DLG2: variants seen among roughly 807,000 people sequenced by gnomAD.
DLG2 encodes discs large MAGUK scaffold protein 2.
A neutral mutation model predicts 132.5 loss-of-function variants in DLG2; 45 were observed. The ratio of observed to expected loss-of-function variants is 0.34; its 90% confidence interval spans 0.27 to 0.44. DLG2 has a LOEUF of 0.44. Among genes scored for constraint, DLG2 ranks in the 20% least tolerant of loss-of-function variants. The probability of loss-of-function intolerance (pLI) is 1.00; values close to 1 mark genes in which losing one functional copy is unlikely to be tolerated. For synonymous variants in DLG2, 424 were observed against 419.6 expected (o/e 1.01, Z -0.13); for missense variants, 1,045 against 1,196.9 (o/e 0.87, Z 1.87).
chr11:84,238,280 C>A (rs4944474), intron 8 of DLG2, among the ~76,000 whole-genome samples: 1 of 151,812 alleles, frequency 6.6e-6, no homozygotes, highest in South Asian at 2.1e-4. Context: ...TTTGAGAGGC[C>A]GAGGTGTGCG....
chr11:83,535,981 C>T (rs933091362), intron 20 of DLG2, among the ~76,000 whole-genome samples: 2 of 152,092 alleles, frequency 1.3e-5, no homozygotes, highest in Admixed American at 1.3e-4. Flanking sequence ...AGTGTCTGTC[C>T]ACAGCCACTC....
intron 6 of DLG2, among the ~76,000 whole-genome samples, chr11:84,692,153 G>T (rs1595861576): frequency 6.6e-6 from 1 of 151,832 alleles, no homozygotes; most frequent in East Asian, 1.9e-4. Context: ...ATGAATTAAT[G>T]AATGTGAGCC....
chr11:85,067,164 T>C (rs200600389), intron 6 of DLG2, among the ~76,000 whole-genome samples: 2 of 151,924 alleles, frequency 1.3e-5, no homozygotes, highest in Non-Finnish European at 2.9e-5. Context: ...GATGGTAGTT[T>C]GTATTTCTGT....
chr11:83,908,951 C>A lies in DLG2; in HGVS notation c.1496+21377G>T, dbSNP rs1424413569. ...GGTCTTGCTATGTGCCCAGGCTATT[C>A]TTGAACTCCTAGCTCAAGCAATTTT... On this transcript the variant is annotated intron_variant, in intron 15 of 27. Coordinates refer to ENST00000376104, the MANE Select transcript of DLG2 (RefSeq NM_001142699.3). Among the ~76,000 whole-genome samples the A allele has an allele frequency of 3.3e-5, 5 of 152,112 alleles. No individual in the cohort carries two copies. In the South Asian group the frequency reaches 8.3e-4, roughly 25 times the overall value.
intron 9 of DLG2, among the ~76,000 whole-genome samples, chr11:84,100,670 T>C (rs528160660): frequency 9.2e-5 from 14 of 152,202 alleles, no homozygotes; most frequent in African/African-American, 3.4e-4. Flanking sequence ...ACTAAATTTA[T>C]GATCATTTGA....
chr11:84,564,626 C>A (rs1292550043), intron 6 of DLG2, among the ~76,000 whole-genome samples: 8 of 152,070 alleles, frequency 5.3e-5, no homozygotes, highest in African/African-American at 1.9e-4. Context: ...TATGGTTTTT[C>A]TTTAACAAAA....
At chr11:85,320,091 T>G (rs887212688) in intron 3 of DLG2, among the ~76,000 whole-genome samples, 1 of 151,902 alleles carries the variant, frequency 6.6e-6, no homozygotes, top group Non-Finnish European at 1.5e-5. Flanking sequence ...AGCCATGTGC[T>G]AGCAGCACAT....
chr11:83,995,663 C>G (rs758751715), intron 11 of DLG2, among the ~76,000 whole-genome samples: 2 of 152,022 alleles, frequency 1.3e-5, no homozygotes, highest in Non-Finnish European at 2.9e-5. Context: ...AGCCCAGAAA[C>G]AAATCTATAC....
chr11:84,031,977 T>C lies in DLG2; in HGVS notation c.919+27338A>G, dbSNP rs185687005. Among the ~76,000 whole-genome samples, 12 of 152,240 alleles carry C rather than the reference T, an allele frequency of 7.9e-5. No individual in the cohort carries two copies. In the East Asian group the frequency reaches 2.3e-3, roughly 29 times the overall value. ...GTCATTGATGTTACTATCACAATAG[T>C]TTTGGGGTGCCACAGAATATGCCCA... On this transcript the variant is annotated intron_variant, in intron 11 of 27. Transcript: ENST00000376104.
chr11:85,370,249 G>GAAATAC (rs2084874708), intron 3 of DLG2, among the ~76,000 whole-genome samples: 1 of 151,998 alleles, frequency 6.6e-6, no homozygotes. Flanking sequence ...ACTAGAAATA[G>GAAATAC]ATTTACATGA....
At chr11:83,496,125 A>AAAAT (rs2094134838) in intron 21 of DLG2, among the ~76,000 whole-genome samples, 1 of 151,506 alleles carries the variant, frequency 6.6e-6, no homozygotes, top group Non-Finnish European at 1.5e-5. Flanking sequence ...CTACAATTGA[A>AAAAT]AAATAAATAG....
chr11:84,110,548 G>A (rs1332529393), intron 9 of DLG2, among the ~76,000 whole-genome samples: 1 of 152,160 alleles, frequency 6.6e-6, no homozygotes, highest in African/African-American at 2.4e-5. Flanking sequence ...GAAGCATCCA[G>A]AAAAGGCTAG....
At chr11:84,770,991 T>C (rs151132429) in intron 6 of DLG2, among the ~76,000 whole-genome samples, 3,847 of 152,244 alleles carry the variant, frequency 0.025, 165 homozygotes, top group African/African-American at 0.089. Context: ...TTCCATGGTG[T>C]ATACGTACGC....
chr11:85,521,972 G>A (rs971996747), intron 3 of DLG2, among the ~76,000 whole-genome samples: 2 of 152,166 alleles, frequency 1.3e-5, no homozygotes, highest in African/African-American at 4.8e-5. Context: ...TTCAAGCCAG[G>A]TGCAGAAATT....
intron 18 of DLG2, among the ~76,000 whole-genome samples, chr11:83,778,144 G>C (rs2094662077): frequency 1.2e-5 from 1 of 82,752 alleles, no homozygotes; most frequent in African/African-American, 9.5e-5. Context: ...AAGCTGTCTT[G>C]CTTTATAGTC....
chr11:85,044,445 C>T (rs1338000900), intron 6 of DLG2, among the ~76,000 whole-genome samples: 1 of 151,958 alleles, frequency 6.6e-6, no homozygotes, highest in Non-Finnish European at 1.5e-5. Context: ...GGCCCAATTT[C>T]ATAATTATAA....
intron 6 of DLG2, among the ~76,000 whole-genome samples, chr11:85,054,777 C>T (rs1219478810): frequency 1.3e-5 from 2 of 152,142 alleles, no homozygotes; most frequent in East Asian, 3.9e-4. Flanking sequence ...AAAACAAATA[C>T]TGCATATTCT....
chr11:85,290,678 G>GACTA (rs2078839049), intron 3 of DLG2, among the ~76,000 whole-genome samples: 1 of 152,016 alleles, frequency 6.6e-6, no homozygotes, highest in African/African-American at 2.4e-5. Flanking sequence ...GAATTCATTA[G>GACTA]AACTTAGTTG....
At chr11:85,321,681 A>G (rs989970401) in intron 3 of DLG2, among the ~76,000 whole-genome samples, 41 of 152,074 alleles carry the variant, frequency 2.7e-4, no homozygotes, top group African/African-American at 8.2e-4. Flanking sequence ...AGTATCCAGG[A>G]AGCCAAATAG....
Sources: allele counts gnomAD v4.1 joint callset (sites outside exome capture counted in the v4.1 genomes callset), GRCh38; gene constraint gnomAD v4.1.1; transcripts MANE v1.5; gene names NCBI Gene and HGNC (gene_info 2026-07-23, HGNC 2026-07-21).